Variants in INAVA observed in about 807,000 individuals in gnomAD.
INAVA encodes the protein innate immunity activator, also known as innate immunity activator protein.
In INAVA, 32 loss-of-function variants were observed where a neutral mutation model predicts 55.3. That is an observed-to-expected ratio of 0.58 (90% CI 0.44 to 0.78). The LOEUF (loss-of-function observed/expected upper bound fraction) is 0.78, where lower values mean the gene tolerates loss of function less well. Ranked by LOEUF, INAVA falls within the 30% of genes least tolerant of loss-of-function variation. The pLI, the probability that INAVA is intolerant of heterozygous loss-of-function variation, is 0.00. For missense variants in INAVA, 756 were observed against 786.4 expected, an observed-to-expected ratio of 0.96 and a Z score of 0.46; for synonymous variants, 294 against 329.4, an observed-to-expected ratio of 0.89 and a Z score of 1.16.
intron 5 of INAVA, among the ~76,000 whole-genome samples, chr1:200,906,765 C>T (rs1653510071): frequency 6.6e-6 from 1 of 152,172 alleles, no homozygotes; most frequent in Non-Finnish European, 1.5e-5. Context: ...CAGGAGGTCT[C>T]ACATTGGGAT....
Position 200,908,744 on chromosome 1 carries a change from C to A in INAVA, c.589C>A (p.Pro197Thr). The A allele has an allele frequency of 6.3e-7, 1 of 1,576,766 alleles. No individual in the cohort carries two copies. Among genetic ancestry groups the A allele is most frequent in the South Asian group, 1.2e-5 (1 of 86,026 alleles). The change falls in exon 7 of 10, where the codon CCA (proline) becomes ACA (threonine). Residue 197 changes from proline to threonine, a missense_variant. Coordinates refer to ENST00000413687, the MANE Select transcript of INAVA (RefSeq NM_001142569.3). The stretch of plus-strand genomic sequence containing the variant: ...TACTCCTGCAGAGGAATCCCAAGTG[C>A]CAAAACCTCCTCCAGAGTCTCCAGC... The part of the protein sequence containing the change: ...LLLEEEESQV[P>T]KPPPESPAPP...
chr1:200,896,893 T>C (rs2102300602), intron 1 of INAVA, among the ~76,000 whole-genome samples: 1 of 152,348 alleles, frequency 6.6e-6, no homozygotes, highest in East Asian at 1.9e-4. Flanking sequence ...CAGGATAGGC[T>C]CCAGACAGAA....
At chr1:200,901,912 C>T (rs1653271710) in intron 5 of INAVA, among the ~76,000 whole-genome samples, 1 of 152,202 alleles carries the variant, frequency 6.6e-6, no homozygotes, top group African/African-American at 2.4e-5. Flanking sequence ...AGGTTAGCTT[C>T]CAACAGGTGG....
At chr1:200,902,584 A>T (rs984821491) in intron 5 of INAVA, among the ~76,000 whole-genome samples, 6 of 152,156 alleles carry the variant, frequency 3.9e-5, no homozygotes, top group Admixed American at 3.9e-4. Context: ...CTACAACCTT[A>T]CTCCACTCTC....
At chr1:200,901,189 C>G in intron 5 of INAVA, 30 bp downstream of exon 5, 2 of 1,473,436 alleles carry the variant, frequency 1.4e-6, no homozygotes. Flanking sequence ...GGGGGCCATG[C>G]TCCTTAAATG....
chr1:200,894,011 G>A (rs368158083), upstream of INAVA, among the ~76,000 whole-genome samples: 1 of 152,182 alleles, frequency 6.6e-6, no homozygotes, highest in East Asian at 1.9e-4. Flanking sequence ...GCTGGGGACA[G>A]GCCAGGCAAC....
At chr1:200,912,165 G>A (rs1322896327) in intron 9 of INAVA, 28 bp downstream of exon 9, 1 of 1,528,650 alleles carries the variant, frequency 6.5e-7, no homozygotes, top group South Asian at 1.2e-5. Context: ...GGACCCCGGG[G>A]CCAGGCAGGA....
chr1:200,898,206 C>T lies in INAVA; in HGVS notation c.-94-101C>T, dbSNP rs923104812. On this transcript the variant is annotated intron_variant, in intron 1 of 9. Coordinates refer to ENST00000413687, the MANE Select transcript of INAVA (RefSeq NM_001142569.3). ...CCCCAGATGGTTCCTGAAGCACAGT[C>T]CTCCCTTCCACTCCCCTGCTCTCAA... The T allele has an allele frequency of 2.5e-5, 32 of 1,293,328 alleles. No individual in the cohort carries two copies. In the Admixed American group the frequency reaches 2.7e-4, roughly 11 times the overall value. 80.1% of individuals were successfully genotyped at this position (1,293,328 alleles called of 1,614,324 possible). A position where few individuals can be genotyped will look rare whatever the true frequency, so the allele number is the denominator to read the frequency against.
Position 200,908,726 on chromosome 1 carries a change from G to T in INAVA, c.575-4G>T, listed in dbSNP as rs368540470. 6.4e-6 allele frequency: 10 copies of T among 1,559,032 alleles called. No homozygotes were observed. The highest frequency in any genetic ancestry group is 8.7e-6 in the Non-Finnish European group (10 of 1,153,940). On this transcript the variant is annotated splice_polypyrimidine_tract_variant and splice_region_variant and intron_variant, in intron 6 of 9. Coordinates refer to ENST00000413687, the MANE Select transcript of INAVA (RefSeq NM_001142569.3). ...GCCTTACCAGGTTTCTTTTACTCCTGCAGAGGAATCCCAAGTGCCAAAACC... is the reference window on the plus strand; with the variant it reads ...GCCTTACCAGGTTTCTTTTACTCCTTCAGAGGAATCCCAAGTGCCAAAACC...
At chr1:200,913,017 C>T (rs1653813987) in intron 9 of INAVA, among the ~76,000 whole-genome samples, 1 of 152,160 alleles carries the variant, frequency 6.6e-6, no homozygotes, top group Non-Finnish European at 1.5e-5. Context: ...ACGGAGGGCT[C>T]TGCAGGTGAT....
chr1:200,896,805 G>T (rs892351807), intron 1 of INAVA, among the ~76,000 whole-genome samples: 1 of 152,230 alleles, frequency 6.6e-6, no homozygotes, highest in African/African-American at 2.4e-5. Flanking sequence ...TCCCAAGGCC[G>T]ACTTTTCTGT....
intron 7 of INAVA, 62 bp downstream of exon 7, chr1:200,909,002 G>A: frequency 6.6e-7 from 1 of 1,521,400 alleles, no homozygotes; most frequent in South Asian, 1.2e-5. Context: ...GAGCTATGCT[G>A]GGGATGGCTA....
intron 5 of INAVA, among the ~76,000 whole-genome samples, chr1:200,905,957 A>C (rs1421854973): frequency 6.6e-6 from 1 of 152,238 alleles, no homozygotes; most frequent in Non-Finnish European, 1.5e-5. Context: ...TTCTGACTCA[A>C]CCACCTTTGT....
intron 5 of INAVA, among the ~76,000 whole-genome samples, chr1:200,904,090 A>ATT (rs774833894): frequency 1.9e-4 from 26 of 138,650 alleles, no homozygotes; most frequent in Admixed American, 7.2e-4. Context: ...TCCTCATAAC[A>ATT]TTTTTTTTTT....
rs1234417925 is a variant in INAVA at position 200,898,359 on chromosome 1, C to T, written c.-42C>T. The T allele has an allele frequency of 6.2e-6, 10 of 1,613,942 alleles. No homozygotes were observed. Among genetic ancestry groups the T allele is most frequent in the East Asian group, 2.2e-5 (1 of 44,890 alleles). Reference sequence around the variant, plus strand: ...ACCTGGCCCAGGCTGGTCACGGTGTCCCCCCTCCCTGCTCTGTGCCCTCTC... The same window carrying T: ...ACCTGGCCCAGGCTGGTCACGGTGTTCCCCCTCCCTGCTCTGTGCCCTCTC... On this transcript the variant is annotated 5_prime_UTR_variant, in exon 2 of 10. Transcript: ENST00000413687.
chr1:200,899,995 G>T, intron 3 of INAVA, 109 bp from the exon 4 acceptor site: 1 of 855,302 alleles, frequency 1.2e-6, no homozygotes, highest in Non-Finnish European at 1.9e-6. Flanking sequence ...TGGGGTGGAG[G>T]GTGGTCCCAC....
upstream of INAVA, among the ~76,000 whole-genome samples, chr1:200,893,127 C>T (rs1043234355): frequency 6.6e-6 from 1 of 152,186 alleles, no homozygotes; most frequent in African/African-American, 2.4e-5. Context: ...ATCACAGTAG[C>T]ATTGGCAGTA....
Position 200,899,463 on chromosome 1 carries a change from A to C in INAVA, c.56-10A>C. 6.2e-7 allele frequency: 1 copy of C among 1,613,862 alleles called. No homozygotes were observed. The highest frequency in any genetic ancestry group is 8.5e-7 in the Non-Finnish European group (1 of 1,179,948). On this transcript the variant is annotated splice_polypyrimidine_tract_variant and intron_variant, in intron 2 of 9. Coordinates refer to ENST00000413687, the MANE Select transcript of INAVA (RefSeq NM_001142569.3). The stretch of plus-strand genomic sequence containing the variant: ...AGCCTCCCTGAGCATGTGCCCCCCA[A>C]CCCTTGCAGGCCCCGACAGCCCGGT...
At position 200,900,901 on chromosome 1, in the gene INAVA, G is replaced by A. The variant is rs961293972; in HGVS notation, c.298-36G>A. ...CACCCTCTGGGCCCCCAATCTCCCT[G>A]CCTCTCTCTAGCCTCACTCCTGCCC... On this transcript the variant is annotated intron_variant, in intron 4 of 9. Transcript: ENST00000413687. The A allele has an allele frequency of 2.7e-5, 40 of 1,483,312 alleles. No individual in the cohort carries two copies. The Admixed American group carries it at 7.6e-4, about 28-fold the overall frequency. The allele number at this position is 1,483,312 out of a possible 1,614,324, so 91.9% of individuals were successfully genotyped here.
Sources: allele counts gnomAD v4.1 joint callset (sites outside exome capture counted in the v4.1 genomes callset), GRCh38; gene constraint gnomAD v4.1.1; transcripts MANE v1.5; gene names NCBI Gene and HGNC (gene_info 2026-07-23, HGNC 2026-07-21).